Variants in PCGF3 observed in about 807,000 individuals in gnomAD.
The protein encoded by PCGF3 is polycomb group ring finger 3, also known as polycomb group RING finger protein 3.
Under a neutral mutation model 33.1 loss-of-function variants are expected in PCGF3, and 7 were observed. The observed-to-expected ratio is 0.21, with a 90% CI of 0.12 to 0.40. The LOEUF (loss-of-function observed/expected upper bound fraction) is 0.40. Ranked by LOEUF, PCGF3 falls within the 10% of genes least tolerant of loss-of-function variation. The pLI is 1.00. For missense variants in PCGF3, 211 were observed against 313.3 expected, an observed-to-expected ratio of 0.67 and a Z score of 2.46; for synonymous variants, 153 against 121.3, an observed-to-expected ratio of 1.26 and a Z score of -1.72.
chr4:766,189 G>A, exon 11 of PCGF3: 1 of 807,006 alleles, frequency 1.2e-6, no homozygotes, highest in Non-Finnish European at 2.0e-6. Flanking sequence ...CTTCTGAATA[G>A]AGAATATTTA....
At chr4:726,297 C>T (rs997285173) in intron 1 of PCGF3, among the ~76,000 whole-genome samples, 21 of 152,206 alleles carry the variant, frequency 1.4e-4, no homozygotes, top group Non-Finnish European at 4.4e-5. Flanking sequence ...GCTGGCAAAC[C>T]CTGTGAGGGA....
chr4:750,168 T>C (rs2152602419), intron 8 of PCGF3, among the ~76,000 whole-genome samples: 1 of 152,370 alleles, frequency 6.6e-6, no homozygotes, highest in East Asian at 1.9e-4. Flanking sequence ...CTGCGGACTT[T>C]GATGAATAAT....
intron 8 of PCGF3, among the ~76,000 whole-genome samples, chr4:752,057 C>G (rs576963190): frequency 6.6e-6 from 1 of 152,294 alleles, no homozygotes; most frequent in Non-Finnish European, 1.5e-5. Flanking sequence ...ACCAAAAATA[C>G]TTGACGGGGC....
intron 6 of PCGF3, 86 bp downstream of exon 6, chr4:737,607 G>C: frequency 2.4e-6 from 2 of 823,064 alleles, no homozygotes; most frequent in Non-Finnish European, 2.1e-6. Context: ...GTTCTCGGAT[G>C]GGAGGCCCCT....
At chr4:707,001 G>A (rs1464761727) in intron 1 of PCGF3, among the ~76,000 whole-genome samples, 4 of 141,648 alleles carry the variant, frequency 2.8e-5, no homozygotes, top group African/African-American at 1.0e-4. Context: ...TGGGAAGGTC[G>A]CGACCCCAGC....
chr4:714,438 G>A (rs1002816773), intron 1 of PCGF3, among the ~76,000 whole-genome samples: 3 of 152,238 alleles, frequency 2.0e-5, no homozygotes, highest in Non-Finnish European at 4.4e-5. Flanking sequence ...CAAGAACTAG[G>A]GGAGGCCCCC....
rs1427838719 is a variant in PCGF3, at chr4:720,897, C to T, written c.-189-9733C>T. Among the ~76,000 whole-genome samples the T allele has an allele frequency of 6.6e-6, 1 of 152,186 alleles. No individual in the cohort carries two copies. The highest frequency in any genetic ancestry group is 1.5e-5 in the Non-Finnish European group (1 of 68,026). Reference sequence around the variant, plus strand: ...GACTTGTGTGGAGGGTGAATTAGTGCGAGGGCGGCTTGGAGAAGCCTGTCC... The same window carrying T: ...GACTTGTGTGGAGGGTGAATTAGTGTGAGGGCGGCTTGGAGAAGCCTGTCC... On this transcript the variant is annotated intron_variant, in intron 1 of 10. Transcript: ENST00000362003. This position sits in a 1 kb window ranked among gnomAD's most constrained non-coding sequence, Gnocchi z 5.6.
At chr4:761,638 A>T (rs752978154) in intron 9 of PCGF3, 2 of 982,586 alleles carry the variant, frequency 2.0e-6, no homozygotes, top group Non-Finnish European at 2.4e-6. Flanking sequence ...CTGTGAGTGG[A>T]AGAGAGAACT....
intron 1 of PCGF3, among the ~76,000 whole-genome samples, chr4:710,795 C>G (rs1176745186): frequency 6.6e-6 from 1 of 152,212 alleles, no homozygotes; most frequent in African/African-American, 2.4e-5. Context: ...TCAAATCCTT[C>G]CCAACAGCTT....
chr4:753,375 C>A (rs1243843528), intron 8 of PCGF3, among the ~76,000 whole-genome samples: 2 of 151,950 alleles, frequency 1.3e-5, no homozygotes, highest in East Asian at 3.9e-4. Flanking sequence ...AGACTCTTGG[C>A]CGGGTGCGGT....
At chr4:751,894 C>T (rs575418424) in intron 8 of PCGF3, among the ~76,000 whole-genome samples, 30 of 152,324 alleles carry the variant, frequency 2.0e-4, no homozygotes, top group African/African-American at 4.6e-4. Flanking sequence ...CAGGCCCCCT[C>T]GCTGCCACCC....
intron 1 of PCGF3, among the ~76,000 whole-genome samples, chr4:719,878 G>A (rs1381385075): frequency 1.3e-5 from 2 of 152,186 alleles, no homozygotes; most frequent in African/African-American, 2.4e-5. Flanking sequence ...CTTGGCAGTC[G>A]GAGCGTCGGG....
rs1050554438 is a variant in PCGF3, at chr4:734,312, C to T, written c.109+523C>T. ...TCGGCTCTTATGCTAACCTGAGGCC[C>T]CATGGCTGGCGGCCCTGCTGGTGTG... On this transcript the variant is annotated intron_variant, in intron 4 of 10. Transcript: ENST00000362003. The T allele has an allele frequency of 1.3e-5, 19 of 1,444,526 alleles. No homozygotes were observed. In the African/African-American group the frequency reaches 2.6e-4, roughly 20 times the overall value. The allele number at this position is 1,444,526 out of a possible 1,614,324, so 89.5% of individuals were successfully genotyped here.
chr4:733,813 C>G (rs1223131744), intron 4 of PCGF3, 24 bp downstream of exon 4: 1 of 1,613,610 alleles, frequency 6.2e-7, no homozygotes, highest in Non-Finnish European at 8.5e-7. Context: ...CCGCGCCACC[C>G]AGGGAGGGCG....
At chr4:717,778 C>T (rs959797265) in intron 1 of PCGF3, among the ~76,000 whole-genome samples, 1 of 152,222 alleles carries the variant, frequency 6.6e-6, no homozygotes, top group Non-Finnish European at 1.5e-5. Flanking sequence ...GGGCACAGGG[C>T]GCCCTGAGCG....
rs532254537 is a variant in PCGF3, at chr4:728,315, C to T, written c.-189-2315C>T. Among the ~76,000 whole-genome samples, 309 of 152,090 alleles carry T rather than the reference C, an allele frequency of 2.0e-3. 1 individual carries two copies. Among genetic ancestry groups the T allele is most frequent in the Non-Finnish European group, 3.8e-3 (258 of 68,030 alleles). On this transcript the variant is annotated intron_variant, in intron 1 of 10. Transcript: ENST00000362003. ...ACAACCATTGACATAGTGTTTACAG[C>T]ATGTTAAGTGTCGTAAGTAATCTGG...
At chr4:752,674 G>A (rs1023747850) in intron 8 of PCGF3, among the ~76,000 whole-genome samples, 2 of 152,196 alleles carry the variant, frequency 1.3e-5, no homozygotes, top group African/African-American at 4.8e-5. Flanking sequence ...GGGGATACAG[G>A]GGCTCTACAT....
At chr4:751,325 G>A (rs1018012948) in intron 8 of PCGF3, among the ~76,000 whole-genome samples, 8 of 152,130 alleles carry the variant, frequency 5.3e-5, no homozygotes, top group Non-Finnish European at 1.0e-4. Flanking sequence ...TCTAGGAATC[G>A]CTTCTTCATC....
At chr4:740,802 C>G (rs1399295316) in intron 6 of PCGF3, among the ~76,000 whole-genome samples, 2 of 152,204 alleles carry the variant, frequency 1.3e-5, no homozygotes, top group East Asian at 3.8e-4. Flanking sequence ...CCCACTGGCT[C>G]AGCTGTGGTC....
Sources: allele counts gnomAD v4.1 joint callset (sites outside exome capture counted in the v4.1 genomes callset), GRCh38; gene constraint gnomAD v4.1.1; non-coding constraint Gnocchi (gnomAD v3.1); transcripts MANE v1.5; gene names NCBI Gene and HGNC (gene_info 2026-07-23, HGNC 2026-07-21).